Variants in ATP10A observed in about 807,000 individuals in gnomAD.
ATP10A encodes ATPase phospholipid transporting 10A (putative).
A neutral mutation model predicts 147.8 loss-of-function variants in ATP10A; 111 were observed. That is an observed-to-expected ratio of 0.75 (90% CI 0.64 to 0.88). The LOEUF is 0.88. Ranked by LOEUF, ATP10A falls within the 40% of genes least tolerant of loss-of-function variation. ATP10A has a pLI of 0.00. For synonymous variants in ATP10A, 875 were observed against 841.6 expected (o/e 1.04, Z -0.69); for missense variants, 1,927 against 1,959.0 (o/e 0.98, Z 0.31).
At chr15:25,704,540 T>C (rs1900862880) in intron 12 of ATP10A, among the ~76,000 whole-genome samples, 1 of 152,194 alleles carries the variant, frequency 6.6e-6, no homozygotes, top group African/African-American at 2.4e-5. Flanking sequence ...GTTAACACCT[T>C]GAAAACAGAA....
chr15:25,779,514 G>A (rs2140699939), intron 2 of ATP10A, among the ~76,000 whole-genome samples: 1 of 149,150 alleles, frequency 6.7e-6, no homozygotes, highest in South Asian at 2.2e-4. Flanking sequence ...AGGCCTAGGG[G>A]AGAAGCTGAG....
chr15:25,734,472 C>A (rs7165584), intron 3 of ATP10A, among the ~76,000 whole-genome samples: 2,352 of 152,256 alleles, frequency 0.015, 62 homozygotes, highest in African/African-American at 0.053. Context: ...GTCTAGCAAC[C>A]CAGCACCTGC....
intron 13 of ATP10A, among the ~76,000 whole-genome samples, chr15:25,696,453 T>G (rs1193246230): frequency 1.3e-5 from 2 of 152,224 alleles, no homozygotes; most frequent in Non-Finnish European, 2.9e-5. Flanking sequence ...AGGAACTCCA[T>G]GAGCTCCCTG....
At chr15:25,767,547 A>G (rs377651675) in intron 2 of ATP10A, among the ~76,000 whole-genome samples, 7 of 152,148 alleles carry the variant, frequency 4.6e-5, no homozygotes, top group African/African-American at 1.7e-4. Context: ...CTTTATTTGT[A>G]AAATAGGGAA....
At chr15:25,748,518 T>A (rs2071412510) in intron 2 of ATP10A, among the ~76,000 whole-genome samples, 1 of 152,158 alleles carries the variant, frequency 6.6e-6, no homozygotes, top group African/African-American at 2.4e-5. Context: ...TATTCACCAA[T>A]ATCCTAATAA....
intron 2 of ATP10A, among the ~76,000 whole-genome samples, chr15:25,765,564 C>T (rs779618323): frequency 3.3e-5 from 5 of 152,138 alleles, no homozygotes; most frequent in African/African-American, 9.7e-5. Context: ...TGCAGGTAAG[C>T]GGTCACTCCT....
chr15:25,727,583 G>A (rs997412315), intron 3 of ATP10A, among the ~76,000 whole-genome samples: 4 of 152,256 alleles, frequency 2.6e-5, no homozygotes, highest in Non-Finnish European at 4.4e-5. Context: ...ACTCCCAACC[G>A]GCCAAGGAAG....
chr15:25,784,576 T>G (rs1485980628), intron 1 of ATP10A, among the ~76,000 whole-genome samples: 4 of 152,022 alleles, frequency 2.6e-5, no homozygotes, highest in Non-Finnish European at 5.9e-5. Flanking sequence ...TGTCCTGGTT[T>G]GTGGGAGTGG....
At chr15:25,672,906 C>T (rs117560864), downstream of ATP10A, among the ~76,000 whole-genome samples, 14 of 152,178 alleles carry the variant, frequency 9.2e-5, no homozygotes, top group East Asian at 9.7e-4. Context: ...TAGGGCAAGA[C>T]GAGGTGTGCG....
intron 12 of ATP10A, among the ~76,000 whole-genome samples, chr15:25,703,817 G>A (rs1371816435): frequency 6.6e-6 from 1 of 152,230 alleles, no homozygotes; most frequent in Non-Finnish European, 1.5e-5. Flanking sequence ...TCCAGCTCAG[G>A]TAGCCTGGGC....
intron 1 of ATP10A, among the ~76,000 whole-genome samples, chr15:25,808,051 G>C (rs1162645858): frequency 2.6e-5 from 4 of 152,072 alleles, no homozygotes; most frequent in African/African-American, 9.7e-5. Context: ...ACGTATCACT[G>C]GCTGATAGAA....
At chr15:25,846,049 G>A (rs549973634) in intron 1 of ATP10A, among the ~76,000 whole-genome samples, 5 of 152,128 alleles carry the variant, frequency 3.3e-5, no homozygotes, top group South Asian at 2.1e-4. Flanking sequence ...GAAATAAGCC[G>A]GTCACTAAAG....
intron 8 of ATP10A, among the ~76,000 whole-genome samples, chr15:25,717,234 A>T (rs1418166047): frequency 3.1e-5 from 3 of 96,972 alleles, no homozygotes; most frequent in Non-Finnish European, 7.7e-5. Context: ...CCAAAACATT[A>T]TTAATTGTCT....
chr15:25,688,740 C>G (rs531564052), intron 15 of ATP10A, among the ~76,000 whole-genome samples: 1 of 152,192 alleles, frequency 6.6e-6, no homozygotes, highest in East Asian at 1.9e-4. Context: ...TCAAGTGGTA[C>G]GCTTGAAATG....
Position 25,687,725 on chromosome 15 carries a change from AG to A in ATP10A, c.3268del (p.Leu1090CysfsTer28). ...TACTGTGTTTTTGTAGAAGAAGTAC[AG>A]CACCATGTTGGCAAGTCGGGAGTAG... ...WCYSRLANMV[L>X]YFFYKNTMFV... On this transcript the variant is annotated frameshift_variant, in exon 16 of 21. Transcript: ENST00000555815. LOFTEE classifies it high-confidence loss of function. 1.2e-6 allele frequency: 2 copies of A among 1,606,246 alleles called. No homozygotes were observed. Among genetic ancestry groups the A allele is most frequent in the Non-Finnish European group, 1.7e-6 (2 of 1,174,756 alleles).
chr15:25,736,092 T>C lies in ATP10A; in HGVS notation c.704A>G (p.Lys235Arg). 1.2e-6 allele frequency: 2 copies of C among 1,613,646 alleles called. No individual in the cohort carries two copies. The highest frequency in any genetic ancestry group is 1.7e-6 in the Non-Finnish European group (2 of 1,180,022). ...LTFTSVIECE[K>R]PNNDLSRFRG... Reference sequence around the variant, plus strand: ...AAACCTACTCAGGTCGTTGTTTGGCTTCTCGCATTCGATCACGCTGGTGAA... The same window carrying C: ...AAACCTACTCAGGTCGTTGTTTGGCCTCTCGCATTCGATCACGCTGGTGAA... The change falls in exon 3 of 21, where the codon AAG becomes AGG. Residue 235 changes from lysine (K) to arginine (R), a missense_variant. Coordinates refer to ENST00000555815, the MANE Select transcript of ATP10A (RefSeq NM_024490.4).
intron 1 of ATP10A, among the ~76,000 whole-genome samples, chr15:25,817,334 C>T (rs1452861043): frequency 6.6e-6 from 1 of 152,188 alleles, no homozygotes; most frequent in African/African-American, 2.4e-5. Context: ...CCTCCCACCT[C>T]AGCCTCCCAA....
At chr15:25,714,279 G>A in intron 9 of ATP10A, 38 bp from the exon 10 acceptor site, 2 of 1,584,376 alleles carry the variant, frequency 1.3e-6, no homozygotes, top group South Asian at 1.1e-5. Context: ...TGAGGGAACT[G>A]CTATGTCCCC....
chr15:25,726,897 CAA>C (rs57151119), intron 4 of ATP10A, among the ~76,000 whole-genome samples: 157 of 140,480 alleles, frequency 1.1e-3, no homozygotes, highest in Non-Finnish European at 1.4e-3. Context: ...TAAAAAAATA[CAA>C]AAAAAAAAAA....
Sources: allele counts gnomAD v4.1 joint callset (sites outside exome capture counted in the v4.1 genomes callset), GRCh38; gene constraint gnomAD v4.1.1; transcripts MANE v1.5; gene names NCBI Gene and HGNC (gene_info 2026-07-23, HGNC 2026-07-21).